GAGE1: variants seen among roughly 807,000 people sequenced by gnomAD.
GAGE1 encodes the protein G antigen 1.
Under a neutral mutation model 5.0 loss-of-function variants are expected in GAGE1, and 5 were observed. The ratio of observed to expected loss-of-function variants is 1.00; its 90% CI spans 0.52 to 2.11. The LOEUF (loss-of-function observed/expected upper bound fraction) is 2.11, where lower values mean the gene tolerates loss of function less well. Ranked by LOEUF, GAGE1 falls within the 30% of genes most tolerant of loss-of-function variation. The pLI, the probability that GAGE1 is intolerant of heterozygous loss-of-function variation, is 0.01. For synonymous variants in GAGE1, 6 were observed against 14.8 expected (o/e 0.40, Z 1.37); for missense variants, 9 against 38.9 (o/e 0.23, Z 2.04).
chrX:49,602,594 G>T (rs1303958755), intron 3 of GAGE1, among the ~76,000 whole-genome samples: 1 of 84,768 alleles, frequency 1.2e-5, no homozygotes, highest in Admixed American at 1.3e-4. Context: ...ACGGATATAT[G>T]TTTACTGTTA....
At chrX:49,605,923 T>TAATAAC in intron 4 of GAGE1, 70 bp from the exon 5 acceptor site, 2 of 497,169 alleles carry the variant, frequency 4.0e-6, no homozygotes, top group Non-Finnish European at 2.8e-6. Flanking sequence ...ATAATAATAA[T>TAATAAC]AATAATAATA....
chrX:49,604,562 C>G (rs781866642), intron 4 of GAGE1, among the ~76,000 whole-genome samples: 475 of 111,965 alleles, frequency 4.2e-3, no homozygotes, highest in African/African-American at 5.7e-3. Context: ...AAACCATTTT[C>G]CATTCCGGTT....
At chrX:49,605,147 C>T in intron 4 of GAGE1, 1 of 1,001,538 alleles carries the variant, frequency 1.0e-6, no homozygotes, top group Non-Finnish European at 1.3e-6. Context: ...GCATGTAAGT[C>T]AGTGATGCTC....
intron 4 of GAGE1, chrX:49,605,013 A>C (rs782503797): frequency 1.4e-5 from 14 of 1,008,081 alleles, no homozygotes; most frequent in African/African-American, 2.0e-5. Context: ...AGGTCTCACT[A>C]TGTTGCCCAG....
chrX:49,604,759 C>T (rs1234983805), intron 4 of GAGE1, among the ~76,000 whole-genome samples: 4 of 111,925 alleles, frequency 3.6e-5, no homozygotes, highest in Non-Finnish European at 7.5e-5. Context: ...GTGTGGAGAG[C>T]TGAATACGTA....
intron 4 of GAGE1, among the ~76,000 whole-genome samples, chrX:49,605,779 C>T (rs142190318): frequency 0.015 from 1,651 of 110,086 alleles, 12 homozygotes; most frequent in Middle Eastern, 0.048. Flanking sequence ...TGTGGTGGCA[C>T]GCGCCTGTGG....
chrX:49,602,610 G>T (rs1557131145), intron 3 of GAGE1, among the ~76,000 whole-genome samples: 1 of 86,440 alleles, frequency 1.2e-5, no homozygotes, highest in African/African-American at 3.5e-5. Context: ...TGTTATTAAT[G>T]CTGAATTGTT....
chrX:49,605,950 T>TAA (rs1557132136), intron 4 of GAGE1, 43 bp from the exon 5 acceptor site: 137 of 830,774 alleles, frequency 1.6e-4, no homozygotes, highest in Non-Finnish European at 2.0e-4. Flanking sequence ...ATAATAATAA[T>TAA]CTGTTGCTCT....
At chrX:49,604,631 C>T (rs1401477572) in intron 4 of GAGE1, among the ~76,000 whole-genome samples, 1 of 112,497 alleles carries the variant, frequency 8.9e-6, no homozygotes, top group African/African-American at 3.2e-5. Context: ...ATCTGCTTCG[C>T]ATGGTTTGTT....
At chrX:49,604,967 C>T (rs1557131862) in intron 4 of GAGE1, 2 of 786,065 alleles carry the variant, frequency 2.5e-6, no homozygotes, top group African/African-American at 2.1e-5. Context: ...GCCAACGTAC[C>T]TGAGTAAAAT....
rs1414412131 is a variant in GAGE1, at chrX:49,602,414, C to A, written c.206-1254C>A. On this transcript the variant is annotated intron_variant, in intron 3 of 4. Transcript: ENST00000381700. ...TCTTTTAAATTTTTCCTGTATGTATCTTCAAGTCATAGCATTCATAGAAAA... is the reference window on the plus strand; with the variant it reads ...TCTTTTAAATTTTTCCTGTATGTATATTCAAGTCATAGCATTCATAGAAAA... Among the ~76,000 whole-genome samples the A allele has an allele frequency of 4.1e-4, 32 of 77,163 alleles. 9 individuals are homozygous for A. The highest frequency in any genetic ancestry group is 9.7e-4 in the Non-Finnish European group (30 of 30,799). 67.0% of individuals were successfully genotyped at this position (77,163 alleles called of 115,157 possible).
chrX:49,602,749 G>T (rs1426889801), intron 3 of GAGE1, among the ~76,000 whole-genome samples: 1 of 85,501 alleles, frequency 1.2e-5, no homozygotes, highest in Non-Finnish European at 2.7e-5. Flanking sequence ...ATTTAACAAT[G>T]AGAAAATGGA....
chrX:49,604,978 T>G, intron 4 of GAGE1: 1 of 893,438 alleles, frequency 1.1e-6, no homozygotes, highest in Non-Finnish European at 1.5e-6. Flanking sequence ...TGAGTAAAAT[T>G]TTTTTTTTCA....
chrX:49,604,779 C>G (rs1423368869), intron 4 of GAGE1, among the ~76,000 whole-genome samples: 1 of 111,713 alleles, frequency 9.0e-6, no homozygotes, highest in Non-Finnish European at 1.9e-5. Flanking sequence ...AGTGTAAGAT[C>G]TTGTGAAATT....
intron 4 of GAGE1, chrX:49,604,895 G>C (rs577531558): frequency 2.1e-5 from 6 of 287,837 alleles, no homozygotes; most frequent in Admixed American, 1.3e-4. Flanking sequence ...GCAACCTCTG[G>C]CTCCCAGGCT....
intron 4 of GAGE1, among the ~76,000 whole-genome samples, chrX:49,604,344 T>C (rs534368790): frequency 7.1e-5 from 8 of 112,468 alleles, no homozygotes; most frequent in Middle Eastern, 4.6e-3. Flanking sequence ...CAGTAGCTCA[T>C]AATTTTCAAA....
intron 4 of GAGE1, among the ~76,000 whole-genome samples, chrX:49,604,025 G>T (rs1490012376): frequency 1.8e-5 from 2 of 112,736 alleles, no homozygotes; most frequent in South Asian, 3.7e-4. Flanking sequence ...GCTAATTGTT[G>T]TATTTTTAGT....
intron 4 of GAGE1, chrX:49,604,862 C>T (rs1234358050): frequency 4.0e-5 from 10 of 252,105 alleles, no homozygotes; most frequent in African/African-American, 1.1e-4. Context: ...GGGTGGAGTG[C>T]AGTGGTGTAC....
At chrX:49,605,270 C>T (rs782469220) in intron 4 of GAGE1, 18 of 585,889 alleles carry the variant, frequency 3.1e-5, no homozygotes, top group Admixed American at 1.1e-4. Context: ...ATAATCATCT[C>T]TAATCATATC....
Sources: gnomAD v4.1 joint callset for allele counts (sites outside exome capture counted in the v4.1 genomes callset) on GRCh38, gnomAD v4.1.1 for gene constraint, MANE v1.5 for transcripts, NCBI Gene and HGNC (gene_info 2026-07-23, HGNC 2026-07-21) for gene names.